Variants in CDH13 observed in about 807,000 individuals in gnomAD.
CDH13 encodes the protein cadherin 13.
CDH13 carries 24 observed loss-of-function variants against 63.8 expected under a neutral mutation model. The ratio of observed to expected loss-of-function variants is 0.38; its 90% confidence interval spans 0.27 to 0.53. The LOEUF (loss-of-function observed/expected upper bound fraction) is 0.53. Among genes scored for constraint, CDH13 ranks in the 20% least tolerant of loss-of-function variants. The pLI is 0.85. For missense variants in CDH13, 1,049 were observed against 903.1 expected, an observed-to-expected ratio of 1.16 and a Z score of -2.07; for synonymous variants, 503 against 355.3, an observed-to-expected ratio of 1.42 and a Z score of -4.67.
intron 2 of CDH13, among the ~76,000 whole-genome samples, chr16:82,878,697 C>G (rs1457026562): frequency 2.0e-5 from 3 of 151,096 alleles, no homozygotes; most frequent in African/African-American, 7.3e-5. Context: ...TGGGGAGACA[C>G]AAGCAGTTGG....
intron 6 of CDH13, among the ~76,000 whole-genome samples, chr16:83,420,311 T>C (rs114699512): frequency 6.6e-6 from 1 of 152,180 alleles, no homozygotes; most frequent in Non-Finnish European, 1.5e-5. Context: ...GCAGGAGGTC[T>C]GGCTAGACAC....
intron 1 of CDH13, among the ~76,000 whole-genome samples, chr16:82,760,140 A>G (rs746795053): frequency 4.6e-5 from 7 of 152,036 alleles, no homozygotes; most frequent in Admixed American, 1.3e-4. Flanking sequence ...GAACACAAAT[A>G]TTTTCCAGAA....
chr16:83,529,387 A>G (rs1435586050), intron 7 of CDH13, among the ~76,000 whole-genome samples: 1 of 152,180 alleles, frequency 6.6e-6, no homozygotes, highest in Non-Finnish European at 1.5e-5. Flanking sequence ...ATGTATAAGG[A>G]TGTTTGTTGA....
chr16:82,842,091 C>CAT (rs1186963516), intron 1 of CDH13, among the ~76,000 whole-genome samples: 1,077 of 41,482 alleles, frequency 0.026, 43 homozygotes, highest in African/African-American at 0.068. Flanking sequence ...TTGCATTCTA[C>CAT]ATATATATAT....
chr16:83,751,972 G>A (rs150797630), intron 11 of CDH13, among the ~76,000 whole-genome samples: 7 of 152,352 alleles, frequency 4.6e-5, no homozygotes, highest in African/African-American at 1.7e-4. Context: ...CAGAAGAGAT[G>A]CGACTTATCA....
At chr16:82,879,253 G>T (rs960047385) in intron 2 of CDH13, among the ~76,000 whole-genome samples, 7 of 151,858 alleles carry the variant, frequency 4.6e-5, no homozygotes, top group Non-Finnish European at 5.9e-5. Flanking sequence ...CCTAGAAAAA[G>T]CTCCTTAGCT....
At chr16:82,969,540 G>C (rs1387205922) in intron 2 of CDH13, among the ~76,000 whole-genome samples, 1 of 144,386 alleles carries the variant, frequency 6.9e-6, no homozygotes, top group African/African-American at 2.6e-5. Context: ...GAAAGATGAT[G>C]GGGCTAGCCC....
chr16:83,457,088 A>G (rs1348483220), intron 6 of CDH13, among the ~76,000 whole-genome samples: 4 of 152,146 alleles, frequency 2.6e-5, no homozygotes, highest in African/African-American at 9.7e-5. Flanking sequence ...CTCAGAGGCG[A>G]TGGAGGATGG....
intron 1 of CDH13, chr16:82,639,338 C>A: frequency 6.6e-7 from 1 of 1,510,724 alleles, no homozygotes; most frequent in Non-Finnish European, 8.9e-7. Flanking sequence ...TTCTTTGTCT[C>A]CATGTCCTTG....
intron 3 of CDH13, among the ~76,000 whole-genome samples, chr16:83,092,418 G>A (rs554495575): frequency 3.3e-5 from 5 of 152,200 alleles, no homozygotes; most frequent in Non-Finnish European, 2.9e-5. Flanking sequence ...GGTCTTAGAT[G>A]ATTAAAACAA....
chr16:82,903,687 C>T (rs1381012425), intron 2 of CDH13, among the ~76,000 whole-genome samples: 1 of 151,966 alleles, frequency 6.6e-6, no homozygotes, highest in African/African-American at 2.4e-5. Flanking sequence ...TTTTCCCTTT[C>T]CTTAGGGGGC....
chr16:83,652,281 C>G (rs1169343181), intron 8 of CDH13, among the ~76,000 whole-genome samples: 1 of 152,190 alleles, frequency 6.6e-6, no homozygotes, highest in East Asian at 1.9e-4. Context: ...TGAATTTATA[C>G]AAATCCCTTG....
chr16:83,498,157 C>A (rs796662208), intron 7 of CDH13, among the ~76,000 whole-genome samples: 4 of 152,212 alleles, frequency 2.6e-5, no homozygotes, highest in African/African-American at 9.6e-5. Context: ...TATGTTAGAG[C>A]CCTGATAGGT....
At chr16:83,126,165 A>G (rs962734335) in intron 4 of CDH13, among the ~76,000 whole-genome samples, 7 of 152,208 alleles carry the variant, frequency 4.6e-5, no homozygotes, top group Non-Finnish European at 1.0e-4. Flanking sequence ...GCAAAGGAGA[A>G]CCAGCACTCA....
chr16:83,272,426 A>G (rs2088852766), intron 5 of CDH13, among the ~76,000 whole-genome samples: 2 of 152,224 alleles, frequency 1.3e-5, no homozygotes, highest in Non-Finnish European at 2.9e-5. Context: ...CATGCCTCAC[A>G]TATCGTACTG....
chr16:82,750,249 T>C (rs1193225763), intron 1 of CDH13, among the ~76,000 whole-genome samples: 1 of 152,174 alleles, frequency 6.6e-6, no homozygotes, highest in Non-Finnish European at 1.5e-5. Context: ...TCTTTATTGC[T>C]GAGTAAATAA....
chr16:83,225,950 G>T (rs2039825516), intron 5 of CDH13, among the ~76,000 whole-genome samples: 1 of 152,154 alleles, frequency 6.6e-6, no homozygotes, highest in Admixed American at 6.5e-5. Context: ...AAAAGTCAAA[G>T]ATCTCATTTC....
At chr16:83,418,581 A>T (rs914876051) in intron 6 of CDH13, among the ~76,000 whole-genome samples, 4 of 152,146 alleles carry the variant, frequency 2.6e-5, no homozygotes, top group African/African-American at 9.7e-5. Flanking sequence ...TGTCTTGGAC[A>T]TTTGCTTGGA....
chr16:82,685,476 T>C (rs563602980), intron 1 of CDH13, among the ~76,000 whole-genome samples: 134 of 152,330 alleles, frequency 8.8e-4, no homozygotes, highest in Non-Finnish European at 1.4e-3. Context: ...ATTTAACATA[T>C]GGATGTTGGG....
Sources: allele counts gnomAD v4.1 joint callset (sites outside exome capture counted in the v4.1 genomes callset), GRCh38; gene constraint gnomAD v4.1.1; transcripts MANE v1.5; gene names NCBI Gene and HGNC (gene_info 2026-07-23, HGNC 2026-07-21).